SUCLG2: variants seen among roughly 807,000 people sequenced by gnomAD.
SUCLG2 encodes the protein succinate-CoA ligase GDP-forming subunit beta.
In SUCLG2, 42 loss-of-function variants were observed where a neutral mutation model predicts 47.9. That is an observed-to-expected ratio of 0.88 (90% CI 0.69 to 1.14). The LOEUF is 1.14. Ranked by LOEUF, SUCLG2 falls within the 50% of genes most tolerant of loss-of-function variation. The pLI, the probability that SUCLG2 is intolerant of heterozygous loss-of-function variation, is 0.00. For missense variants in SUCLG2, 571 were observed against 525.9 expected (o/e 1.09, Z -0.84); for synonymous variants, 195 against 197.3 (o/e 0.99, Z 0.10).
intron 4 of SUCLG2, among the ~76,000 whole-genome samples, chr3:67,525,689 A>G (rs1706237283): frequency 2.0e-5 from 3 of 152,174 alleles, no homozygotes; most frequent in Admixed American, 2.0e-4. Flanking sequence ...ATCTAGAAAA[A>G]AACATGAGAA....
chr3:67,585,225 T>C (rs1353265178), intron 2 of SUCLG2, among the ~76,000 whole-genome samples: 2 of 152,186 alleles, frequency 1.3e-5, no homozygotes, highest in African/African-American at 2.4e-5. Flanking sequence ...TCTCTTTCTC[T>C]AATCACCTGA....
chr3:67,560,508 T>C (rs1219082662), intron 2 of SUCLG2, among the ~76,000 whole-genome samples: 1 of 152,168 alleles, frequency 6.6e-6, no homozygotes, highest in African/African-American at 2.4e-5. Flanking sequence ...GCAAGAGATG[T>C]CTCTAAGCTA....
intron 9 of SUCLG2, among the ~76,000 whole-genome samples, chr3:67,458,723 C>G (rs752978957): frequency 1.3e-5 from 2 of 152,164 alleles, no homozygotes; most frequent in Non-Finnish European, 2.9e-5. Context: ...ATCTGAGTAA[C>G]AGGAACCACC....
intron 2 of SUCLG2, among the ~76,000 whole-genome samples, chr3:67,532,702 T>C (rs1329795387): frequency 6.6e-6 from 1 of 152,192 alleles, no homozygotes; most frequent in Non-Finnish European, 1.5e-5. Context: ...GTAAGACATA[T>C]CTGACAAACT....
chr3:67,406,594 G>A (rs1301787023), intron 9 of SUCLG2, among the ~76,000 whole-genome samples: 1 of 152,134 alleles, frequency 6.6e-6, no homozygotes, highest in African/African-American at 2.4e-5. Flanking sequence ...TATACAGGTG[G>A]AGGAACAGAA....
chr3:67,564,755 G>C (rs1017686496), intron 2 of SUCLG2, among the ~76,000 whole-genome samples: 2 of 152,094 alleles, frequency 1.3e-5, no homozygotes, highest in Admixed American at 1.3e-4. Flanking sequence ...TTTTATATGT[G>C]GCCCAAGACA....
chr3:67,466,017 T>C (rs771909222), intron 9 of SUCLG2, among the ~76,000 whole-genome samples: 4 of 152,190 alleles, frequency 2.6e-5, no homozygotes, highest in Non-Finnish European at 5.9e-5. Context: ...ACTCTTTTAA[T>C]GACACACACA....
chr3:67,508,809 T>C lies in SUCLG2; in HGVS notation c.755A>G (p.Gln252Arg). The C allele has an allele frequency of 6.3e-7, 1 of 1,592,590 alleles. No individual in the cohort carries two copies. Residue 252 changes from glutamine to arginine, a missense_variant and splice_region_variant, in exon 7 of 11, where the codon CAA becomes CGA. Coordinates refer to ENST00000307227, the MANE Select transcript of SUCLG2 (RefSeq NM_003848.4). ...VNPFGETPEG[Q>R]VVCFDAKINF... The stretch of plus-strand genomic sequence containing the variant: ...TCTCAATTCTTTTTTTTTTTTACCT[T>C]GTCCTTCTGGAGTTTCACCAAAGGG...
chr3:67,480,949 G>A (rs1216284898), intron 9 of SUCLG2, among the ~76,000 whole-genome samples: 2 of 152,146 alleles, frequency 1.3e-5, no homozygotes, highest in Admixed American at 1.3e-4. Context: ...CAAAGAATAG[G>A]ACAATGTGAT....
intron 7 of SUCLG2, among the ~76,000 whole-genome samples, chr3:67,502,339 A>ATG: frequency 6.6e-6 from 1 of 152,214 alleles, no homozygotes; most frequent in Admixed American, 6.5e-5. Context: ...TACTATCTAC[A>ATG]ATGTTGTGCC....
At chr3:67,419,900 G>C (rs1225750379) in intron 9 of SUCLG2, among the ~76,000 whole-genome samples, 1 of 152,192 alleles carries the variant, frequency 6.6e-6, no homozygotes, top group Non-Finnish European at 1.5e-5. Context: ...TCATTTCACA[G>C]AGGCATGTTT....
intron 2 of SUCLG2, among the ~76,000 whole-genome samples, chr3:67,538,899 C>A (rs1242652981): frequency 1.3e-5 from 2 of 152,310 alleles, no homozygotes; most frequent in Non-Finnish European, 2.9e-5. Context: ...GATTTTTGCA[C>A]ATTGACTTTG....
intron 2 of SUCLG2, among the ~76,000 whole-genome samples, chr3:67,534,281 A>C (rs1254418315): frequency 2.0e-5 from 3 of 152,142 alleles, no homozygotes; most frequent in Non-Finnish European, 4.4e-5. Flanking sequence ...GGGCATGATA[A>C]AGCCATTTTG....
chr3:67,550,219 C>T (rs775890193), intron 2 of SUCLG2, among the ~76,000 whole-genome samples: 3 of 152,258 alleles, frequency 2.0e-5, no homozygotes, highest in Non-Finnish European at 4.4e-5. Flanking sequence ...CACATTACTG[C>T]ATCTCAAGTC....
chr3:67,581,672 G>A (rs1309443805), intron 2 of SUCLG2, among the ~76,000 whole-genome samples: 1 of 152,220 alleles, frequency 6.6e-6, no homozygotes, highest in African/African-American at 2.4e-5. Context: ...AATGCATGAT[G>A]TATAAAGTGC....
In SUCLG2 at chr3:67,439,588, TAACA is replaced by T. The variant is rs1224908065; in HGVS notation, c.1063-38741_1063-38738del. Among the ~76,000 whole-genome samples, 11 of 151,564 alleles carry T rather than the reference TAACA, an allele frequency of 7.3e-5. 1 individual carries two copies. The highest frequency in any genetic ancestry group is 6.4e-3 in the Middle Eastern group (2 of 314). On this transcript the variant is annotated intron_variant, in intron 9 of 10. Coordinates refer to ENST00000307227, the MANE Select transcript of SUCLG2 (RefSeq NM_003848.4). Reference sequence around the variant, plus strand: ...AATCATAAGCATTCCTATACACCAATAACAAACAGAGAGCCAAATCATGAGTGAA... The same window carrying T: ...AATCATAAGCATTCCTATACACCAATAACAGAGAGCCAAATCATGAGTGAA...
chr3:67,569,262 TAG>T (rs1007733756), intron 2 of SUCLG2, among the ~76,000 whole-genome samples: 4 of 152,226 alleles, frequency 2.6e-5, no homozygotes, highest in Non-Finnish European at 5.9e-5. Flanking sequence ...CTAGCACTCA[TAG>T]AGTTTACTAT....
intron 9 of SUCLG2, among the ~76,000 whole-genome samples, chr3:67,435,691 A>T (rs1703602577): frequency 6.6e-6 from 1 of 152,204 alleles, no homozygotes; most frequent in African/African-American, 2.4e-5. Flanking sequence ...TATTTTTTAG[A>T]TGTGATTTTC....
chr3:67,499,227 G>A (rs62256399), intron 7 of SUCLG2, among the ~76,000 whole-genome samples: 78,750 of 151,666 alleles, frequency 0.52, 22,294 homozygotes, highest in Non-Finnish European at 0.64. Flanking sequence ...GTGTGGGAGA[G>A]CACTTAAAAT....
Sources: allele counts gnomAD v4.1 joint callset (sites outside exome capture counted in the v4.1 genomes callset), GRCh38; gene constraint gnomAD v4.1.1; transcripts MANE v1.5; gene names NCBI Gene and HGNC (gene_info 2026-07-23, HGNC 2026-07-21).